NEAT1: variants seen among roughly 807,000 people sequenced by gnomAD.
NEAT1 encodes MENepsilon/beta.
exon 1 of NEAT1, chr11:65,424,552 T>TG (rs1856541122): frequency 6.6e-6 from 1 of 152,230 alleles, no homozygotes; most frequent in Non-Finnish European, 1.5e-5. Context: ...TGAAATAACT[T>TG]GGGGCGTTGA....
chr11:65,439,540 G>A (rs1211728622), exon 1 of NEAT1: 1 of 152,050 alleles, frequency 6.6e-6, no homozygotes, highest in East Asian at 1.9e-4. Context: ...ACAAAAATTA[G>A]TCAGGCATGG....
chr11:65,438,658 T>C (rs1277123425), exon 1 of NEAT1: 1 of 152,240 alleles, frequency 6.6e-6, no homozygotes, highest in East Asian at 1.9e-4. Context: ...ATTTGTCTTT[T>C]TGGGTCTGTC....
At chr11:65,422,874 A>C (rs1224014523) in exon 1 of NEAT1, 1 of 152,236 alleles carries the variant, frequency 6.6e-6, no homozygotes, top group East Asian at 1.9e-4. Context: ...GCTTCAGGGG[A>C]CAGACAGGGA....
exon 1 of NEAT1, chr11:65,434,746 C>T (rs1856643847): frequency 6.6e-6 from 1 of 152,184 alleles, no homozygotes; most frequent in South Asian, 2.1e-4. Flanking sequence ...CTGTTGCCCT[C>T]CAGAGTGGGT....
chr11:65,434,700 A>G (rs1231879054), exon 1 of NEAT1: 2 of 152,116 alleles, frequency 1.3e-5, no homozygotes, highest in African/African-American at 2.4e-5. Context: ...TTCCTGGGTC[A>G]TAGGGCGTGA....
chr11:65,440,182 T>G (rs1021669462), exon 1 of NEAT1: 3 of 147,580 alleles, frequency 2.0e-5, no homozygotes, highest in Admixed American at 6.8e-5. Flanking sequence ...GAGTATCAGG[T>G]TTTTTTTTTT....
chr11:65,441,857 CT>C (rs1393866313), exon 1 of NEAT1: 3 of 152,172 alleles, frequency 2.0e-5, no homozygotes, highest in Non-Finnish European at 4.4e-5. Flanking sequence ...TCACGCTTGC[CT>C]ACTTTTAAGA....
exon 1 of NEAT1, chr11:65,426,228 C>T (rs1856560201): frequency 6.6e-6 from 1 of 152,144 alleles, no homozygotes. Flanking sequence ...TTTCTGTCTT[C>T]TGGGTTCCAT....
At chr11:65,427,273 CTG>C (rs781474497) in exon 1 of NEAT1, 2 of 152,386 alleles carry the variant, frequency 1.3e-5, no homozygotes, top group African/African-American at 2.4e-5. Context: ...CTGCCAGCCT[CTG>C]TGCTGAGAAG....
exon 1 of NEAT1, chr11:65,444,262 A>ACT: frequency 3.4e-6 from 1 of 295,104 alleles, no homozygotes; most frequent in Non-Finnish European, 6.4e-6. Flanking sequence ...TAGTCCTCAG[A>ACT]CTGTGTGTGT....
chr11:65,433,585 C>T (rs924630829), exon 1 of NEAT1: 3 of 152,088 alleles, frequency 2.0e-5, no homozygotes, highest in Non-Finnish European at 2.9e-5. Context: ...ATGAACACTC[C>T]TCTCCACTTA....
At chr11:65,429,103 A>C (rs984475581) in exon 1 of NEAT1, 17 of 152,172 alleles carry the variant, frequency 1.1e-4, no homozygotes, top group African/African-American at 3.6e-4. Flanking sequence ...TTCAATGGGC[A>C]TACAGGGTAT....
exon 1 of NEAT1, chr11:65,432,219 T>G (rs1856619550): frequency 1.3e-5 from 2 of 152,208 alleles, no homozygotes; most frequent in South Asian, 4.1e-4. Context: ...TTTATAATTT[T>G]CTATTTTACC....
chr11:65,430,912 A>G (rs1174161697), exon 1 of NEAT1: 1 of 152,178 alleles, frequency 6.6e-6, no homozygotes, highest in Non-Finnish European at 1.5e-5. Context: ...CATATAATAG[A>G]AGTTGACTAT....
At chr11:65,436,305 C>G (rs1464438912) in exon 1 of NEAT1, 1 of 152,276 alleles carries the variant, frequency 6.6e-6, no homozygotes, top group Non-Finnish European at 1.5e-5. Flanking sequence ...ACTCTTCTGT[C>G]AAGGTGACAA....
At chr11:65,429,243 T>G (rs1856591669) in exon 1 of NEAT1, 1 of 152,212 alleles carries the variant, frequency 6.6e-6, no homozygotes. Context: ...AAATGACTGT[T>G]AAACTCTTAA....
chr11:65,432,470 A>G (rs1856621441), exon 1 of NEAT1: 1 of 152,130 alleles, frequency 6.6e-6, no homozygotes, highest in Non-Finnish European at 1.5e-5. Flanking sequence ...TGATAAGTCC[A>G]TTGAATTTGC....
exon 1 of NEAT1, chr11:65,427,587 C>T (rs1489125258): frequency 1.3e-5 from 2 of 152,172 alleles, no homozygotes; most frequent in African/African-American, 2.4e-5. Flanking sequence ...AGTAAACCTT[C>T]TGTCTGTGCT....
chr11:65,423,165 A>C (rs1590669788), exon 1 of NEAT1: 1 of 153,480 alleles, frequency 6.5e-6, no homozygotes, highest in East Asian at 1.9e-4. Context: ...GAAGGGGTGG[A>C]GGAGTCAGGA....
Sources: allele counts gnomAD v4.1 joint callset, GRCh38; gene constraint gnomAD v4.1.1; transcripts MANE v1.5; gene names NCBI Gene and HGNC (gene_info 2026-07-23, HGNC 2026-07-21).